The following TRPM3 variants were observed in gnomAD, a reference collection of about 807,000 sequenced individuals.
The protein encoded by TRPM3 is long transient receptor potential channel 3.
Under a neutral mutation model 181.2 loss-of-function variants are expected in TRPM3, and 77 were observed. That is an observed-to-expected ratio of 0.42 (90% CI 0.35 to 0.51). The LOEUF (loss-of-function observed/expected upper bound fraction) is 0.51. Among genes scored for constraint, TRPM3 ranks in the 20% least tolerant of loss-of-function variants. The pLI is 0.01. For synonymous variants in TRPM3, 745 were observed against 796.4 expected (o/e 0.94, Z 1.09); for missense variants, 1,759 against 2,196.7 (o/e 0.80, Z 3.98).
At chr9:70,602,931 A>G (rs2060336994) in intron 20 of TRPM3, among the ~76,000 whole-genome samples, 1 of 152,242 alleles carries the variant, frequency 6.6e-6, no homozygotes, top group South Asian at 2.1e-4. Flanking sequence ...GAGTGAAAGC[A>G]GAGTTCCTCC....
intron 1 of TRPM3, among the ~76,000 whole-genome samples, chr9:71,191,891 T>G (rs7850909): frequency 0.43 from 64,748 of 151,050 alleles, 14,295 homozygotes; most frequent in East Asian, 0.52. Context: ...TCTGTAAGGT[T>G]AATTACCTTT....
chr9:70,552,724 G>T, intron 24 of TRPM3, 120 bp downstream of exon 24: 2 of 1,001,136 alleles, frequency 2.0e-6, no homozygotes, highest in Non-Finnish European at 3.2e-6. Context: ...AGCCTTCAGA[G>T]CTGTCTGCAG....
intron 1 of TRPM3, among the ~76,000 whole-genome samples, chr9:70,998,265 A>AT (rs5898174): frequency 0.042 from 6,174 of 145,674 alleles, 207 homozygotes; most frequent in African/African-American, 0.09. Context: ...ATATATATAT[A>AT]TTTTTTTTAG....
intron 1 of TRPM3, among the ~76,000 whole-genome samples, chr9:71,361,963 G>GA: frequency 6.6e-6 from 1 of 152,204 alleles, no homozygotes; most frequent in Middle Eastern, 3.4e-3. Context: ...TAGAATCACA[G>GA]AATGTTCTAG....
chr9:70,544,450 G>C (rs997631107), intron 25 of TRPM3, among the ~76,000 whole-genome samples: 1 of 152,120 alleles, frequency 6.6e-6, no homozygotes, highest in African/African-American at 2.4e-5. Context: ...TTAGCCAGGA[G>C]ATTGACATGC....
chr9:70,586,381 C>G (rs1453983082), intron 22 of TRPM3, among the ~76,000 whole-genome samples: 1 of 152,234 alleles, frequency 6.6e-6, no homozygotes, highest in African/African-American at 2.4e-5. Context: ...AAAACAGCGT[C>G]CGGAATCATC....
intron 1 of TRPM3, among the ~76,000 whole-genome samples, chr9:71,178,776 A>C (rs2077241063): frequency 6.6e-6 from 1 of 152,110 alleles, no homozygotes; most frequent in South Asian, 2.1e-4. Flanking sequence ...AACGTGACGC[A>C]CAAATGTTAC....
chr9:71,395,445 T>G (rs189871455), intron 1 of TRPM3, among the ~76,000 whole-genome samples: 4 of 152,206 alleles, frequency 2.6e-5, no homozygotes, highest in Non-Finnish European at 5.9e-5. Flanking sequence ...AAAGGTCTGA[T>G]AGTACAAAAA....
intron 22 of TRPM3, among the ~76,000 whole-genome samples, chr9:70,571,922 C>T (rs149002751): frequency 1.3e-5 from 2 of 152,198 alleles, no homozygotes; most frequent in Admixed American, 6.5e-5. Flanking sequence ...GTCTCTCTGC[C>T]CCCTTGAAGC....
intron 6 of TRPM3, among the ~76,000 whole-genome samples, chr9:70,816,701 G>A (rs939799069): frequency 1.1e-4 from 16 of 152,162 alleles, no homozygotes; most frequent in African/African-American, 1.9e-4. Context: ...AAAATGTTAC[G>A]AAATGATGTG....
At chr9:71,186,347 A>G (rs2077678786) in intron 1 of TRPM3, among the ~76,000 whole-genome samples, 1 of 152,092 alleles carries the variant, frequency 6.6e-6, no homozygotes, top group African/African-American at 2.4e-5. Context: ...ACTATAGCCA[A>G]TGCATTTAAA....
At chr9:70,764,608 G>C (rs141470922) in intron 7 of TRPM3, among the ~76,000 whole-genome samples, 3 of 152,272 alleles carry the variant, frequency 2.0e-5, no homozygotes, top group Non-Finnish European at 4.4e-5. Context: ...CAATTTCCCA[G>C]TTGCTGAAGT....
intron 1 of TRPM3, among the ~76,000 whole-genome samples, chr9:71,219,640 G>A (rs1333756068): frequency 6.6e-6 from 1 of 152,192 alleles, no homozygotes; most frequent in Non-Finnish European, 1.5e-5. Context: ...ATGTGCTACA[G>A]AATATCACAG....
At chr9:70,598,917 C>T (rs74989392) in intron 20 of TRPM3, among the ~76,000 whole-genome samples, 4,428 of 152,278 alleles carry the variant, frequency 0.029, 221 homozygotes, top group African/African-American at 0.1. Flanking sequence ...CTAAGACACA[C>T]ATAAGAGTTT....
chr9:70,896,719 G>C (rs980386446), intron 1 of TRPM3, among the ~76,000 whole-genome samples: 5 of 151,696 alleles, frequency 3.3e-5, no homozygotes, highest in African/African-American at 1.2e-4. Flanking sequence ...AAAGCCTAAA[G>C]TGTTCATTGT....
intron 1 of TRPM3, among the ~76,000 whole-genome samples, chr9:70,949,250 G>GTC (rs2096969971): frequency 6.6e-6 from 1 of 151,788 alleles, no homozygotes; most frequent in African/African-American, 2.4e-5. Flanking sequence ...TAGAGATGAG[G>GTC]TCTCACTATG....
chr9:70,833,551 G>T (rs1589012583), intron 5 of TRPM3, among the ~76,000 whole-genome samples: 1 of 152,246 alleles, frequency 6.6e-6, no homozygotes, highest in East Asian at 1.9e-4. Context: ...TAGGTGGGAA[G>T]AATTATAGGG....
At chr9:71,199,851 G>GT (rs972251367) in intron 1 of TRPM3, among the ~76,000 whole-genome samples, 124 of 151,802 alleles carry the variant, frequency 8.2e-4, no homozygotes, top group Admixed American at 1.3e-3. Context: ...TTTTTGAAGG[G>GT]TTTTTTGTGT....
intron 1 of TRPM3, among the ~76,000 whole-genome samples, chr9:71,235,544 G>C (rs777869818): frequency 4.6e-5 from 7 of 152,152 alleles, no homozygotes; most frequent in Non-Finnish European, 1.0e-4. Context: ...TCTGACAGAT[G>C]GAACAGATAA....
Sources: allele counts gnomAD v4.1 joint callset (sites outside exome capture counted in the v4.1 genomes callset), GRCh38; gene constraint gnomAD v4.1.1; transcripts MANE v1.5; gene names NCBI Gene and HGNC (gene_info 2026-07-23, HGNC 2026-07-21).